Variants in ACTR3C observed in about 807,000 individuals in gnomAD.
The protein encoded by ACTR3C is actin-related protein 3C.
ACTR3C carries 18 observed loss-of-function variants against 26.3 expected under a neutral mutation model. That is an observed-to-expected ratio of 0.68 (90% CI 0.47 to 1.01). ACTR3C has a LOEUF of 1.01. Ranked by LOEUF, ACTR3C falls within the 50% of genes least tolerant of loss-of-function variation. The pLI is 0.00. For missense variants in ACTR3C, 184 were observed against 250.7 expected (o/e 0.73, Z 1.80); for synonymous variants, 55 against 94.5 (o/e 0.58, Z 2.42).
At chr7:149,913,885 C>CTT in the ACTR3C span, among the ~76,000 whole-genome samples, 269 of 74,626 alleles carry the variant, frequency 3.6e-3, 31 homozygotes, top group Non-Finnish European at 4.5e-3. Context: ...CTCATATGTC[C>CTT]CTTTTTTTTT....
chr7:150,049,039 G>C, the ACTR3C span, among the ~76,000 whole-genome samples: 52 of 152,112 alleles, frequency 3.4e-4, no homozygotes, highest in African/African-American at 1.2e-3. Flanking sequence ...CAAAGCCTGC[G>C]CCTCACTGTG....
the ACTR3C span, among the ~76,000 whole-genome samples, chr7:150,210,978 G>A: frequency 2.0e-5 from 3 of 150,256 alleles, no homozygotes; most frequent in Non-Finnish European, 4.4e-5. Flanking sequence ...CTTTTGTCCT[G>A]CTTTTAAGAC....
chr7:150,039,443 C>A, the ACTR3C span, among the ~76,000 whole-genome samples: 2 of 71,642 alleles, frequency 2.8e-5, 1 homozygote, highest in East Asian at 1.3e-3. Flanking sequence ...GGTGCCTCCC[C>A]CCCTGCGATG....
chr7:150,286,450 T>C lies in ACTR3C; in HGVS notation c.388A>G (p.Ile130Val), dbSNP rs762890577. 44 of 1,613,142 alleles carry C rather than the reference T, an allele frequency of 2.7e-5. No homozygotes were observed. In the South Asian group the frequency reaches 4.0e-4, roughly 15 times the overall value. ...PQKWIKQYTG[I>V]NAINQKKFVI... ...AACTTCTTCTGGTTGATCGCATTGA[T>C]ACCCGTGTACTGTTTGATCCACTTC... Residue 130 changes from isoleucine to valine, a missense_variant, in exon 5 of 8, where the codon ATC becomes GTC. Ile to Val is a conservative substitution (Grantham distance 29). Transcript: ENST00000683684.
At chr7:150,158,066 G>A in the ACTR3C span, among the ~76,000 whole-genome samples, 1 of 152,062 alleles carries the variant, frequency 6.6e-6, no homozygotes, top group African/African-American at 2.4e-5. Flanking sequence ...GAAGACATAC[G>A]GAGATGCAAC....
At chr7:149,998,110 T>A in the ACTR3C span, among the ~76,000 whole-genome samples, 1 of 150,796 alleles carries the variant, frequency 6.6e-6, no homozygotes, top group Non-Finnish European at 1.5e-5. Context: ...ACTATAGACA[T>A]CCACCCTTCT....
intron 1 of ACTR3C, among the ~76,000 whole-genome samples, chr7:150,312,375 C>T (rs1284536377): frequency 2.0e-5 from 3 of 152,144 alleles, no homozygotes; most frequent in Non-Finnish European, 4.4e-5. Context: ...CCGTTCAGAC[C>T]GCCACTCACA....
the ACTR3C span, chr7:150,076,425 A>AATTTGTGGATTGATACT: frequency 6.6e-6 from 1 of 152,112 alleles, no homozygotes; most frequent in Non-Finnish European, 1.5e-5. Context: ...TCAGGCTGCT[A>AATTTGTGGATTGATACT]ATTTGTGGAT....
the ACTR3C span, among the ~76,000 whole-genome samples, chr7:150,094,509 G>T: frequency 6.6e-6 from 1 of 150,596 alleles, no homozygotes; most frequent in Non-Finnish European, 1.5e-5. Flanking sequence ...CAAGGTCGGG[G>T]CAGATGCTGC....
the ACTR3C span, among the ~76,000 whole-genome samples, chr7:150,237,277 C>T: frequency 2.0e-5 from 3 of 152,160 alleles, no homozygotes; most frequent in African/African-American, 7.2e-5. Context: ...TGTATCTGTG[C>T]CCACCAGCCT....
the ACTR3C span, among the ~76,000 whole-genome samples, chr7:150,194,074 A>T: frequency 1.3e-5 from 2 of 149,680 alleles, no homozygotes; most frequent in East Asian, 1.9e-4. Flanking sequence ...TGTCTTTTTT[A>T]AAAAAATTTT....
the ACTR3C span, among the ~76,000 whole-genome samples, chr7:149,913,954 C>T: frequency 1.3e-5 from 2 of 149,002 alleles, no homozygotes; most frequent in Admixed American, 6.8e-5. Flanking sequence ...GGTGTGATCA[C>T]GGCTCACTGC....
At chr7:150,139,355 A>C in the ACTR3C span, among the ~76,000 whole-genome samples, 462 of 152,376 alleles carry the variant, frequency 3.0e-3, 2 homozygotes, top group African/African-American at 0.011. Flanking sequence ...AAAAAAAATA[A>C]AATAAAAAAA....
the ACTR3C span, among the ~76,000 whole-genome samples, chr7:149,920,016 A>C: frequency 4.7e-5 from 7 of 148,732 alleles, no homozygotes; most frequent in South Asian, 6.7e-4. Context: ...TGACATTTTT[A>C]AGGTTGAGTC....
the ACTR3C span, among the ~76,000 whole-genome samples, chr7:150,175,078 A>C: frequency 6.9e-6 from 1 of 144,238 alleles, no homozygotes; most frequent in African/African-American, 2.9e-5. Context: ...TCACAAAGTT[A>C]CTGTAGTGTG....
the ACTR3C span, among the ~76,000 whole-genome samples, chr7:149,887,975 G>A: frequency 6.6e-6 from 1 of 152,090 alleles, no homozygotes; most frequent in Admixed American, 6.5e-5. Flanking sequence ...CAACCTTGTG[G>A]AACTGTAAGA....
chr7:150,253,201 G>A (rs759385560), intron 6 of ACTR3C, among the ~76,000 whole-genome samples: 35 of 152,206 alleles, frequency 2.3e-4, no homozygotes, highest in Non-Finnish European at 4.0e-4. Flanking sequence ...ATAAAGTCAT[G>A]CATGGGTAAT....
the ACTR3C span, chr7:150,004,968 G>A: frequency 2.6e-5 from 4 of 152,218 alleles, no homozygotes; most frequent in African/African-American, 9.6e-5. Flanking sequence ...CCAGGGAGCA[G>A]GTGAAACTGG....
the ACTR3C span, among the ~76,000 whole-genome samples, chr7:149,929,341 T>C: frequency 1.4e-5 from 2 of 144,114 alleles, no homozygotes; most frequent in Non-Finnish European, 3.0e-5. Context: ...AGCAGGAGAA[T>C]TCCTTGAACC....
Sources: gnomAD v4.1 joint callset for allele counts (sites outside exome capture counted in the v4.1 genomes callset) on GRCh38, gnomAD v4.1.1 for gene constraint, MANE v1.5 for transcripts, NCBI Gene and HGNC (gene_info 2026-07-23, HGNC 2026-07-21) for gene names.